The following CROCC variants were observed in gnomAD, a reference collection of about 807,000 sequenced individuals.
The protein encoded by CROCC is ciliary rootlet coiled-coil, rootletin, also known as rootletin.
In CROCC, 180 loss-of-function variants were observed where a neutral mutation model predicts 245.2. That is an observed-to-expected ratio of 0.73 (90% CI 0.65 to 0.83). The LOEUF (loss-of-function observed/expected upper bound fraction) is 0.83, where lower values mean the gene tolerates loss of function less well. Ranked by LOEUF, CROCC falls within the 40% of genes least tolerant of loss-of-function variation. The pLI, the probability that CROCC is intolerant of heterozygous loss-of-function variation, is 0.00. For synonymous variants in CROCC, 1,205 were observed against 1,241.6 expected, an observed-to-expected ratio of 0.97 and a Z score of 0.62; for missense variants, 2,688 against 2,779.4, an observed-to-expected ratio of 0.97 and a Z score of 0.74.
intron 3 of CROCC, among the ~76,000 whole-genome samples, chr1:16,928,276 C>G (rs964236654): frequency 1.3e-5 from 2 of 152,276 alleles, no homozygotes; most frequent in African/African-American, 4.8e-5. Flanking sequence ...TGTGCTCTCC[C>G]ACTGCCCTGC....
At position 16,954,508 on chromosome 1, in the gene CROCC, T is replaced by A. The variant is rs2076606; in HGVS notation, c.3321+151T>A. ...AGCCCTTCTTTTGGGAGCCCCCATC[T>A]GAGGGAGGTGGCTCAGCCCTGCCCT... On this transcript the variant is annotated intron_variant, in intron 22 of 36. Transcript: ENST00000375541. The surrounding 1 kb of genome is among the most constrained non-coding windows in gnomAD (Gnocchi z 4.4). 2 of 1,230,098 alleles carry A rather than the reference T, an allele frequency of 1.6e-6. No homozygotes were observed. Among genetic ancestry groups the A allele is most frequent in the African/African-American group, 3.1e-5 (2 of 65,362 alleles). The allele number at this position is 1,230,098 out of a possible 1,614,324, so 76.2% of individuals were successfully genotyped here. A position where few individuals can be genotyped will look rare whatever the true frequency, so the allele number is the denominator to read the frequency against.
At chr1:16,930,977 A>G (rs1361569539) in intron 7 of CROCC, among the ~76,000 whole-genome samples, 1 of 152,276 alleles carries the variant, frequency 6.6e-6, no homozygotes, top group East Asian at 1.9e-4. Context: ...ATAAATAAAG[A>G]GAGTTTAAGT....
Position 16,960,909 on chromosome 1 carries a change from G to T in CROCC, c.4184G>T (p.Arg1395Leu). The T allele has an allele frequency of 6.6e-7, 1 of 1,505,650 alleles. No individual in the cohort carries two copies. Among genetic ancestry groups the T allele is most frequent in the Non-Finnish European group, 8.8e-7 (1 of 1,134,518 alleles). 93.3% of individuals were successfully genotyped at this position (1,505,650 alleles called of 1,614,324 possible). A position where few individuals can be genotyped will look rare whatever the true frequency, so the allele number is the denominator to read the frequency against. ...RGLELKLEAA[R>L]AEAAELGLRL... is the part of the protein sequence containing the mutation. ...CTGGAGCTGAAGCTGGAGGCGGCGC[G>T]GGCCGAGGCTGCAGAGCTGGGCCTG... Residue 1395 changes from arginine to leucine, a missense_variant, in exon 27 of 37, where the codon CGG becomes CTG. Physicochemically the swap from Arg to Leu is moderately radical, Grantham distance 102. Coordinates refer to ENST00000375541, the MANE Select transcript of CROCC (RefSeq NM_014675.5).
At chr1:16,935,680 T>C (rs1309221252) in intron 8 of CROCC, among the ~76,000 whole-genome samples, 1 of 152,290 alleles carries the variant, frequency 6.6e-6, no homozygotes, top group Non-Finnish European at 1.5e-5. Context: ...CTCCTCGGCC[T>C]CCCAAAGTGC....
At chr1:16,950,174 C>G (rs1190929055) in intron 19 of CROCC, among the ~76,000 whole-genome samples, 1 of 151,656 alleles carries the variant, frequency 6.6e-6, no homozygotes, top group South Asian at 2.1e-4. Flanking sequence ...AGCGATTCTC[C>G]TGCCTCAGCC....
At chr1:16,916,940 A>C (rs1340269103), upstream of CROCC, among the ~76,000 whole-genome samples, 1 of 152,300 alleles carries the variant, frequency 6.6e-6, no homozygotes, top group Non-Finnish European at 1.5e-5. Flanking sequence ...CAACATGGTG[A>C]AACCCTGTCT....
At chr1:16,938,172 C>T (rs576167853) in intron 10 of CROCC, among the ~76,000 whole-genome samples, 150 of 152,352 alleles carry the variant, frequency 9.8e-4, no homozygotes, top group African/African-American at 3.4e-3. Context: ...GTTCTAGGTC[C>T]GGCTCTCCTG....
chr1:16,920,990 C>G (rs1424394013), upstream of CROCC, among the ~76,000 whole-genome samples: 1 of 152,258 alleles, frequency 6.6e-6, no homozygotes, highest in Non-Finnish European at 1.5e-5. Flanking sequence ...GTGATCCACC[C>G]GCTTTGTCCT....
chr1:16,938,149 G>C (rs1368346125), intron 10 of CROCC, among the ~76,000 whole-genome samples: 2 of 109,524 alleles, frequency 1.8e-5, no homozygotes, highest in Non-Finnish European at 3.8e-5. Flanking sequence ...CCTCTGTGTG[G>C]GGCCTGGCCT....
At chr1:16,942,824 G>T (rs577630591) in intron 13 of CROCC, among the ~76,000 whole-genome samples, 1 of 152,272 alleles carries the variant, frequency 6.6e-6, no homozygotes. Context: ...GCACATTGTC[G>T]ACTGAGCGAG....
intron 1 of CROCC, among the ~76,000 whole-genome samples, chr1:16,914,317 GC>G (rs1212102533): frequency 6.6e-6 from 1 of 152,194 alleles, no homozygotes; most frequent in East Asian, 1.9e-4. Context: ...CTCCGCGGAT[GC>G]CCCGCCGCGT....
intron 26 of CROCC, 123 bp from the exon 27 acceptor site, chr1:16,960,635 C>G: frequency 1.6e-6 from 2 of 1,248,994 alleles, no homozygotes; most frequent in Non-Finnish European, 2.0e-6. Context: ...GTGGCGAGCA[C>G]TAAAGGAGAA....
chr1:16,934,494 G>C (rs1050278275), intron 8 of CROCC, among the ~76,000 whole-genome samples: 1 of 152,174 alleles, frequency 6.6e-6, no homozygotes, highest in African/African-American at 2.4e-5. Context: ...TTAGAGACAG[G>C]GTCTTGCCAT....
In CROCC at chr1:16,944,124, C is replaced by T. The variant is rs547593208; in HGVS notation, c.1833C>T (p.Ser611=). The T allele has an allele frequency of 6.4e-7, 1 of 1,558,370 alleles. No homozygotes were observed. Among genetic ancestry groups the T allele is most frequent in the South Asian group, 1.2e-5 (1 of 84,212 alleles). The change falls in exon 14 of 37, where the codon AGC becomes AGT. Residue 611 remains serine, a synonymous_variant. Transcript: ENST00000375541. ...LSREKSNLAH[S]LQVAQQQAEE... is the part of the protein sequence containing the mutation. ...GGGAGAAGAGCAACCTGGCCCACAG[C>T]CTGCAGGTGGCCCAGCAGCAGGCCG...
chr1:16,947,267 C>G (rs374143681), intron 17 of CROCC, among the ~76,000 whole-genome samples: 1 of 152,220 alleles, frequency 6.6e-6, no homozygotes, highest in South Asian at 2.1e-4. Context: ...ACCTGAGGTC[C>G]GGAGATCAAG....
At chr1:16,939,188 G>A (rs1400084892) in intron 12 of CROCC, 46 bp downstream of exon 12, 6 of 1,312,844 alleles carry the variant, frequency 4.6e-6, no homozygotes, top group South Asian at 1.7e-5. Context: ...AGGCCTGGGG[G>A]AGGGGCTCGC....
In CROCC at chr1:16,930,301, C is replaced by G. The variant is rs1469149650; in HGVS notation, c.637C>G (p.Gln213Glu). 3 of 1,606,532 alleles carry G rather than the reference C, an allele frequency of 1.9e-6. No homozygotes were observed. The highest frequency in any genetic ancestry group is 2.1e-4 in the Middle Eastern group (1 of 4,858). Reference sequence around the variant, plus strand: ...TCCCACCCAGGACACAGAGCACAGCCAAGACCTGGAAAGCGCCCTCATCCG... The same window carrying G: ...TCCCACCCAGGACACAGAGCACAGCGAAGACCTGGAAAGCGCCCTCATCCG... ...QQRLRDTEHS[Q>E]DLESALIRLE... The change falls in exon 6 of 37, where the codon CAA becomes GAA. Residue 213 changes from glutamine to glutamate, a missense_variant. This residue lies in a region of CROCC where 972 missense variants were observed against 895.3 expected (regional missense o/e 1.09). Coordinates refer to ENST00000375541, the MANE Select transcript of CROCC (RefSeq NM_014675.5).
rs34927424 is a variant in CROCC at position 16,958,234 on chromosome 1, C to T, written c.3865-349C>T. ...AGAACAGGACTGGACACATGGTAAG[C>T]GCTCCAAAAACGTTCATCGCCATCG... On this transcript the variant is annotated intron_variant, in intron 25 of 36. Transcript: ENST00000375541. Among the ~76,000 whole-genome samples, 168 of 152,284 alleles carry T rather than the reference C, an allele frequency of 1.1e-3. 1 individual carries two copies. The Middle Eastern group carries it at 0.034, about 31-fold the overall frequency.
chr1:16,946,640 C>T, intron 16 of CROCC, 121 bp from the exon 17 acceptor site: 1 of 1,186,134 alleles, frequency 8.4e-7, no homozygotes. Context: ...CCCAAGGGCA[C>T]TGTCCCTCAT....
Sources: allele counts gnomAD v4.1 joint callset (sites outside exome capture counted in the v4.1 genomes callset), GRCh38; gene constraint gnomAD v4.1.1; regional missense constraint gnomAD v4.1.1; non-coding constraint Gnocchi (gnomAD v3.1); transcripts MANE v1.5; gene names NCBI Gene and HGNC (gene_info 2026-07-23, HGNC 2026-07-21).